UBXN4: variants seen among roughly 807,000 people sequenced by gnomAD.
UBXN4 encodes the protein UBX domain-containing protein 4.
In UBXN4, 35 loss-of-function variants were observed where a neutral mutation model predicts 66.2. The observed-to-expected ratio is 0.53, with a 90% CI of 0.40 to 0.70. The LOEUF (loss-of-function observed/expected upper bound fraction) is 0.70, where lower values mean the gene tolerates loss of function less well. Ranked by LOEUF, UBXN4 falls within the 30% of genes least tolerant of loss-of-function variation. UBXN4 has a pLI of 0.00. For synonymous variants in UBXN4, 203 were observed against 204.5 expected, an observed-to-expected ratio of 0.99 and a Z score of 0.06; for missense variants, 533 against 599.8, an observed-to-expected ratio of 0.89 and a Z score of 1.16.
intron 9 of UBXN4, among the ~76,000 whole-genome samples, chr2:135,775,988 T>TG (rs1191665128): frequency 6.6e-6 from 1 of 152,178 alleles, no homozygotes; most frequent in Non-Finnish European, 1.5e-5. Flanking sequence ...CGGCTGGTCT[T>TG]GAACTCCTGA....
rs1201224210 is a variant in UBXN4, at chr2:135,783,421, G to GTT, written c.*537_*538dup. ...TTTCCCCTAAATTGGAATGATCTTA[G>GTT]TTTTGCTTTGAGTTTTGTTATCTAG... On this transcript the variant is annotated 3_prime_UTR_variant, in exon 13 of 13. Coordinates refer to ENST00000272638, the MANE Select transcript of UBXN4 (RefSeq NM_014607.4). 2.0e-5 allele frequency: 3 copies of GTT among 152,096 alleles called. No individual in the cohort carries two copies. Among genetic ancestry groups the GTT allele is most frequent in the African/African-American group, 7.2e-5 (3 of 41,386 alleles). 9.4% of individuals were successfully genotyped at this position (152,096 alleles called of 1,614,324 possible).
At chr2:135,773,396 C>T (rs900452972) in intron 9 of UBXN4, among the ~76,000 whole-genome samples, 2 of 152,200 alleles carry the variant, frequency 1.3e-5, no homozygotes, top group South Asian at 4.1e-4. Context: ...CTTGAATTCA[C>T]GATCCCAGAC....
chr2:135,755,750 T>C, intron 5 of UBXN4, 59 bp downstream of exon 5: 1 of 1,057,014 alleles, frequency 9.5e-7, no homozygotes, highest in African/African-American at 1.7e-5. Flanking sequence ...ATTTTAATAT[T>C]TAAATATTAA....
intron 12 of UBXN4, among the ~76,000 whole-genome samples, chr2:135,780,727 T>C (rs1162446837): frequency 6.6e-6 from 1 of 152,228 alleles, no homozygotes; most frequent in Non-Finnish European, 1.5e-5. Flanking sequence ...CTTGACAAGA[T>C]AGTTCATTGC....
intron 6 of UBXN4, among the ~76,000 whole-genome samples, chr2:135,762,749 G>A (rs2077323146): frequency 6.6e-6 from 1 of 152,202 alleles, no homozygotes; most frequent in Non-Finnish European, 1.5e-5. Flanking sequence ...TCACAGTGGT[G>A]AGGAAAGTGG....
intron 12 of UBXN4, among the ~76,000 whole-genome samples, chr2:135,781,722 G>A (rs1236759003): frequency 1.3e-5 from 2 of 152,216 alleles, no homozygotes; most frequent in African/African-American, 4.8e-5. Context: ...AGCAATGGGT[G>A]GGAGCATTTA....
chr2:135,758,010 C>T (rs766570420), intron 5 of UBXN4, among the ~76,000 whole-genome samples: 11 of 151,770 alleles, frequency 7.2e-5, no homozygotes, highest in Non-Finnish European at 1.3e-4. Flanking sequence ...TCCTGGCCCA[C>T]GTGATCTCCT....
At chr2:135,756,098 A>T (rs915425647) in intron 5 of UBXN4, among the ~76,000 whole-genome samples, 8 of 151,930 alleles carry the variant, frequency 5.3e-5, no homozygotes, top group South Asian at 2.1e-4. Flanking sequence ...TGTTATATAT[A>T]TTTTTTTTGA....
rs768181686 is a variant in UBXN4 at position 135,754,205 on chromosome 2, A to C, written c.261A>C (p.Gly87=). 100 of 1,614,156 alleles carry C rather than the reference A, an allele frequency of 6.2e-5. No homozygotes were observed. In the Middle Eastern group the frequency reaches 2.5e-3, roughly 40 times the overall value. The change falls in exon 4 of 13, where the codon GGA becomes GGC. Residue 87 remains glycine, a synonymous_variant. Transcript: ENST00000272638. The stretch of plus-strand genomic sequence containing the variant: ...CCAGTTTCTTTATTGGAGACAGTGG[A>C]ATTCCCTTGGAAGTAATAGCAGGAA... The part of the protein sequence containing the change: ...VPSSFFIGDS[G]IPLEVIAGSV...
At chr2:135,747,638 T>C in intron 1 of UBXN4, 1 of 456,478 alleles carries the variant, frequency 2.2e-6, no homozygotes, top group Non-Finnish European at 4.4e-6. Context: ...ATCAAACTTT[T>C]TATTTTTCTC....
intron 1 of UBXN4, chr2:135,747,726 C>G (rs763025624): frequency 3.7e-5 from 17 of 455,864 alleles, no homozygotes; most frequent in Middle Eastern, 6.5e-4. Flanking sequence ...CTTCCACCTT[C>G]CGAGTGCAAG....
intron 6 of UBXN4, among the ~76,000 whole-genome samples, chr2:135,764,980 A>G (rs540555165): frequency 6.6e-6 from 1 of 151,258 alleles, no homozygotes; most frequent in Non-Finnish European, 1.5e-5. Context: ...TGACTGGCTA[A>G]TTTTTGTATT....
intron 3 of UBXN4, 76 bp downstream of exon 3, chr2:135,753,643 A>C: frequency 1.6e-6 from 2 of 1,231,688 alleles, no homozygotes; most frequent in East Asian, 2.9e-5. Context: ...GAAATTTAGA[A>C]ATTATTCATT....
intron 5 of UBXN4, among the ~76,000 whole-genome samples, chr2:135,756,351 A>G (rs1380998079): frequency 6.6e-6 from 1 of 152,220 alleles, no homozygotes; most frequent in Non-Finnish European, 1.5e-5. Flanking sequence ...ATTTGAATGC[A>G]TTCAATGATG....
intron 5 of UBXN4, among the ~76,000 whole-genome samples, chr2:135,759,828 G>T (rs923105799): frequency 1.5e-5 from 2 of 135,804 alleles, no homozygotes; most frequent in African/African-American, 5.6e-5. Flanking sequence ...GAGTGCAGTG[G>T]CGCTATCTTG....
chr2:135,765,361 C>T (rs1269919908), intron 6 of UBXN4, among the ~76,000 whole-genome samples: 2 of 152,010 alleles, frequency 1.3e-5, no homozygotes, highest in Non-Finnish European at 2.9e-5. Flanking sequence ...AGGTGCCCAC[C>T]ACCACACCCG....
At chr2:135,777,959 C>T (rs1251542815) in intron 10 of UBXN4, among the ~76,000 whole-genome samples, 4 of 151,212 alleles carry the variant, frequency 2.6e-5, no homozygotes, top group East Asian at 2.0e-4. Flanking sequence ...GGGTGGATCA[C>T]GAGGTCAGGA....
intron 7 of UBXN4, 71 bp downstream of exon 7, chr2:135,769,894 T>G: frequency 7.2e-7 from 1 of 1,383,948 alleles, no homozygotes; most frequent in South Asian, 1.4e-5. Context: ...TTCTATTCAG[T>G]GTGGCAGGCC....
chr2:135,745,184 T>G (rs1034911891), intron 1 of UBXN4, among the ~76,000 whole-genome samples: 4 of 152,224 alleles, frequency 2.6e-5, no homozygotes, highest in Non-Finnish European at 5.9e-5. Context: ...GGATAAACCA[T>G]AAATATGAGA....
Sources: allele counts gnomAD v4.1 joint callset (sites outside exome capture counted in the v4.1 genomes callset), GRCh38; gene constraint gnomAD v4.1.1; transcripts MANE v1.5; gene names NCBI Gene and HGNC (gene_info 2026-07-23, HGNC 2026-07-21).